Variants in CHCHD3 observed in about 807,000 individuals in gnomAD.
CHCHD3 encodes MICOS complex subunit MIC19.
Under a neutral mutation model 38.2 loss-of-function variants are expected in CHCHD3, and 20 were observed. The observed-to-expected ratio is 0.52, with a 90% CI of 0.37 to 0.76. The LOEUF is 0.76. Among genes scored for constraint, CHCHD3 ranks in the 30% least tolerant of loss-of-function variants. The probability of loss-of-function intolerance (pLI) is 0.00; values close to 1 mark genes in which losing one functional copy is unlikely to be tolerated. For missense variants in CHCHD3, 245 were observed against 279.2 expected (o/e 0.88, Z 0.87); for synonymous variants, 82 against 100.0 (o/e 0.82, Z 1.07).
intron 3 of CHCHD3, among the ~76,000 whole-genome samples, chr7:132,988,107 A>G (rs1812170597): frequency 6.6e-6 from 1 of 152,080 alleles, no homozygotes; most frequent in South Asian, 2.1e-4. Flanking sequence ...GTTTTTAGGG[A>G]GCCAAAAGTT....
chr7:132,827,014 C>G (rs1392679335), intron 6 of CHCHD3, among the ~76,000 whole-genome samples: 2 of 152,054 alleles, frequency 1.3e-5, no homozygotes, highest in Non-Finnish European at 2.9e-5. Flanking sequence ...TAATAAAATA[C>G]TCTGAATGAA....
intron 6 of CHCHD3, among the ~76,000 whole-genome samples, chr7:132,821,747 CTTTTTTTTTTT>C (rs71178063): frequency 4.4e-4 from 44 of 100,260 alleles, no homozygotes; most frequent in Admixed American, 7.9e-4. Context: ...GCACTCAAAT[CTTTTTTTTTTT>C]TTTTTTTTTT....
In CHCHD3 at chr7:133,024,777, T is replaced by G. The variant is rs1044445185; in HGVS notation, c.170-150A>C. On this transcript the variant is annotated intron_variant, in intron 2 of 7. Transcript: ENST00000262570. ...CGTCTCCTTGGAACTTCTCAAGCACTGTGGAAAAGGCCAATTAGTGCACTT... is the reference window on the plus strand; with the variant it reads ...CGTCTCCTTGGAACTTCTCAAGCACGGTGGAAAAGGCCAATTAGTGCACTT... 4 of 633,066 alleles carry G rather than the reference T, an allele frequency of 6.3e-6. No homozygotes were observed. The African/African-American group carries it at 7.3e-5, about 12-fold the overall frequency. The allele number at this position is 633,066 out of a possible 1,614,324, so 39.2% of individuals were successfully genotyped here.
chr7:132,831,028 T>C (rs1166800316), intron 6 of CHCHD3, among the ~76,000 whole-genome samples: 3 of 152,180 alleles, frequency 2.0e-5, no homozygotes, highest in Non-Finnish European at 2.9e-5. Flanking sequence ...AAAGGCCCAA[T>C]ACAAATGCAG....
rs547904028 is a variant in CHCHD3, at chr7:132,905,417, G to C, written c.370-19672C>G. On this transcript the variant is annotated intron_variant, in intron 4 of 7. Transcript: ENST00000262570. ...GAACAATGAGAACACATGGACACAT[G>C]GGGGGAAACAACACACACTGGGGCC... 3.9e-5 allele frequency among the ~76,000 whole-genome samples: 6 copies of C among 152,052 alleles called. No homozygotes were observed. The South Asian group carries it at 1.2e-3, about 32-fold the overall frequency.
chr7:132,823,505 G>T (rs957236571), intron 6 of CHCHD3, among the ~76,000 whole-genome samples: 1 of 152,154 alleles, frequency 6.6e-6, no homozygotes, highest in Non-Finnish European at 1.5e-5. Flanking sequence ...GATAAGGGGG[G>T]CCACCTGTAT....
At chr7:132,868,058 A>T (rs1286097577) in intron 5 of CHCHD3, among the ~76,000 whole-genome samples, 1 of 152,226 alleles carries the variant, frequency 6.6e-6, no homozygotes, top group Non-Finnish European at 1.5e-5. Context: ...TTTAATCCTT[A>T]TAATGCCCAT....
intron 3 of CHCHD3, among the ~76,000 whole-genome samples, chr7:132,990,828 T>C (rs1234378604): frequency 1.3e-5 from 2 of 152,062 alleles, no homozygotes; most frequent in Non-Finnish European, 2.9e-5. Context: ...CTTTTTGATT[T>C]CAAAAGACCT....
intron 4 of CHCHD3, among the ~76,000 whole-genome samples, chr7:132,947,852 T>C (rs1424848786): frequency 6.6e-6 from 1 of 152,030 alleles, no homozygotes; most frequent in African/African-American, 2.4e-5. Context: ...AAATGAAATT[T>C]GATTTCCTCC....
At chr7:133,000,517 T>A (rs1047479870) in intron 3 of CHCHD3, among the ~76,000 whole-genome samples, 2 of 152,014 alleles carry the variant, frequency 1.3e-5, no homozygotes, top group East Asian at 1.9e-4. Context: ...AAAAAAAAAA[T>A]TAATGATGGT....
At chr7:132,961,282 A>G (rs921671094) in intron 4 of CHCHD3, among the ~76,000 whole-genome samples, 4 of 152,176 alleles carry the variant, frequency 2.6e-5, no homozygotes, top group Non-Finnish European at 5.9e-5. Flanking sequence ...ACCCTGTCCC[A>G]CAAATATATT....
chr7:132,898,432 G>T (rs1291588698), intron 4 of CHCHD3, among the ~76,000 whole-genome samples: 1 of 152,070 alleles, frequency 6.6e-6, no homozygotes, highest in Non-Finnish European at 1.5e-5. Flanking sequence ...GTTCTCCAAG[G>T]CCCCACCAGA....
intron 4 of CHCHD3, among the ~76,000 whole-genome samples, chr7:132,971,944 C>T (rs1183111527): frequency 2.0e-5 from 3 of 148,918 alleles, no homozygotes; most frequent in African/African-American, 7.8e-5. Context: ...AAGATGCCCA[C>T]CTCTCCAGCT....
chr7:132,852,471 T>A (rs1428848883), intron 5 of CHCHD3, among the ~76,000 whole-genome samples: 1 of 152,126 alleles, frequency 6.6e-6, no homozygotes, highest in Admixed American at 6.5e-5. Context: ...ATTTGTAAGG[T>A]CCATCCTATT....
chr7:132,860,053 T>G lies in CHCHD3; in HGVS notation c.454-21584A>C, dbSNP rs189394481. Among the ~76,000 whole-genome samples, 455 of 152,268 alleles carry G rather than the reference T, an allele frequency of 3.0e-3. 1 individual carries two copies. Among genetic ancestry groups the G allele is most frequent in the African/African-American group, 0.01 (436 of 41,562 alleles). On this transcript the variant is annotated intron_variant, in intron 5 of 7. Transcript: ENST00000262570. ...TTGGGAAGTCAGTGAGGCAGATTGC[T>G]TGGGCCCGGGAGTTCAAGACCAGCC...
intron 4 of CHCHD3, among the ~76,000 whole-genome samples, chr7:132,968,588 G>T (rs575215847): frequency 9.2e-5 from 14 of 152,312 alleles, no homozygotes; most frequent in Non-Finnish European, 1.3e-4. Flanking sequence ...CATAACCAGA[G>T]AGAGTTTTAA....
chr7:133,024,645 CAGA>C lies in CHCHD3; in HGVS notation c.170-21_170-19del, dbSNP rs1252986214. 6.4e-7 allele frequency: 1 copy of C among 1,564,560 alleles called. No individual in the cohort carries two copies. Among genetic ancestry groups the C allele is most frequent in the Admixed American group, 1.7e-5 (1 of 59,822 alleles). ...ATCAGAAACTAGAATCGATAAAGAG[CAGA>C]AGGAGATAAAATAGGTGACTTCTTA... On this transcript the variant is annotated intron_variant, in intron 2 of 7. Transcript: ENST00000262570.
intron 5 of CHCHD3, among the ~76,000 whole-genome samples, chr7:132,838,719 C>G (rs1377832770): frequency 1.3e-5 from 2 of 152,166 alleles, no homozygotes; most frequent in African/African-American, 4.8e-5. Context: ...ATCATTTGAT[C>G]CTTTGGAGAA....
intron 4 of CHCHD3, among the ~76,000 whole-genome samples, chr7:132,913,357 A>G (rs1810010002): frequency 6.6e-6 from 1 of 152,194 alleles, no homozygotes; most frequent in Admixed American, 6.5e-5. Flanking sequence ...GGAACTTTAG[A>G]GAAGGGGAAA....
Sources: gnomAD v4.1 joint callset for allele counts (sites outside exome capture counted in the v4.1 genomes callset) on GRCh38, gnomAD v4.1.1 for gene constraint, MANE v1.5 for transcripts, NCBI Gene and HGNC (gene_info 2026-07-23, HGNC 2026-07-21) for gene names.